The following TBCA variants were observed in gnomAD, a reference collection of about 807,000 sequenced individuals.
TBCA encodes the protein tubulin-specific chaperone A.
TBCA carries 6 observed loss-of-function variants against 15.8 expected under a neutral mutation model. The observed-to-expected ratio is 0.38, with a 90% CI of 0.21 to 0.75. TBCA has a LOEUF of 0.75. TBCA is among the 30% of genes least tolerant of loss of function. The probability of loss-of-function intolerance (pLI) is 0.46; values close to 1 mark genes in which losing one functional copy is unlikely to be tolerated. For missense variants in TBCA, 90 were observed against 131.2 expected (o/e 0.69, Z 1.53); for synonymous variants, 32 against 42.3 (o/e 0.76, Z 0.94).
chr5:77,749,588 A>T (rs181590684), intron 1 of TBCA, among the ~76,000 whole-genome samples: 2 of 152,354 alleles, frequency 1.3e-5, no homozygotes, highest in African/African-American at 4.8e-5. Context: ...GTGTTAACAA[A>T]ATACTGTATA....
chr5:77,737,346 C>T (rs943709483), intron 1 of TBCA, among the ~76,000 whole-genome samples: 1 of 152,192 alleles, frequency 6.6e-6, no homozygotes, highest in Non-Finnish European at 1.5e-5. Context: ...TGTTTTCCAG[C>T]TAACTTTGGC....
chr5:77,721,907 T>C (rs1450358442), intron 1 of TBCA, among the ~76,000 whole-genome samples: 1 of 152,118 alleles, frequency 6.6e-6, no homozygotes, highest in African/African-American at 2.4e-5. Flanking sequence ...CAGTAAACAT[T>C]ATTTTAAAAT....
intron 3 of TBCA, chr5:77,692,819 G>GT (rs1745785205): frequency 1.9e-6 from 2 of 1,063,478 alleles, no homozygotes; most frequent in African/African-American, 1.7e-5. Flanking sequence ...AGATTACCAG[G>GT]TTTTTTCCCC....
At chr5:77,711,575 A>G (rs1005554212) in intron 1 of TBCA, among the ~76,000 whole-genome samples, 1 of 152,210 alleles carries the variant, frequency 6.6e-6, no homozygotes, top group Non-Finnish European at 1.5e-5. Flanking sequence ...GTCTTTTAAC[A>G]TTTTCAATTT....
At position 77,749,696 on chromosome 5, in the gene TBCA, G is replaced by A. The variant is rs10036309; in HGVS notation, c.53+26509C>T. Reference sequence around the variant, plus strand: ...AACACACATAGTACCCTTTAAGCCGGCAATTGCACTTGTAGGAATTTATTC... The same window carrying A: ...AACACACATAGTACCCTTTAAGCCGACAATTGCACTTGTAGGAATTTATTC... On this transcript the variant is annotated intron_variant, in intron 1 of 3. Coordinates refer to ENST00000380377, the MANE Select transcript of TBCA (RefSeq NM_004607.3). Among the ~76,000 whole-genome samples the A allele has an allele frequency of 6.8e-3, 1,034 of 152,248 alleles. 5 individuals are homozygous for A. The highest frequency in any genetic ancestry group is 0.017 in the Middle Eastern group (5 of 294).
chr5:77,711,941 G>A (rs1198651439), intron 1 of TBCA, among the ~76,000 whole-genome samples: 1 of 151,314 alleles, frequency 6.6e-6, no homozygotes, highest in Non-Finnish European at 1.5e-5. Flanking sequence ...CAGGAAACAA[G>A]TTATTGAATA....
At chr5:77,696,827 A>T (rs924715345) in intron 2 of TBCA, among the ~76,000 whole-genome samples, 1 of 152,216 alleles carries the variant, frequency 6.6e-6, no homozygotes, top group Non-Finnish European at 1.5e-5. Context: ...CTGAGGCAGG[A>T]GGATTACTTG....
Position 77,712,220 on chromosome 5 carries a change from C to T in TBCA, c.54-3873G>A, listed in dbSNP as rs192861736. On this transcript the variant is annotated intron_variant, in intron 1 of 3. Transcript: ENST00000380377. ...GTAGTTTTATCAGTTGACATACAAC[C>T]TGTAGTGTATGAAATTTCCTACTTC... 3.4e-4 allele frequency among the ~76,000 whole-genome samples: 51 copies of T among 152,226 alleles called. 1 individual carries two copies. The East Asian group carries it at 7.7e-3, about 23-fold the overall frequency.
At chr5:77,702,487 T>C (rs1056417485) in intron 2 of TBCA, among the ~76,000 whole-genome samples, 1 of 152,182 alleles carries the variant, frequency 6.6e-6, no homozygotes, top group Non-Finnish European at 1.5e-5. Flanking sequence ...TGTAATTATT[T>C]AGGGTTTTGG....
At chr5:77,730,814 T>TA (rs1231659515) in intron 1 of TBCA, among the ~76,000 whole-genome samples, 12 of 152,158 alleles carry the variant, frequency 7.9e-5, no homozygotes, top group Non-Finnish European at 1.3e-4. Flanking sequence ...TCCCTCATGA[T>TA]AATTTTGGTC....
chr5:77,737,101 T>C (rs192225490), intron 1 of TBCA, among the ~76,000 whole-genome samples: 1 of 152,206 alleles, frequency 6.6e-6, no homozygotes, highest in Middle Eastern at 3.2e-3. Flanking sequence ...TTTTCCTGTT[T>C]GTGTAAACCA....
chr5:77,766,761 T>C lies in TBCA; in HGVS notation c.53+9444A>G, dbSNP rs1747787141. On this transcript the variant is annotated intron_variant, in intron 1 of 3. Coordinates refer to ENST00000380377, the MANE Select transcript of TBCA (RefSeq NM_004607.3). Reference sequence around the variant, plus strand: ...ATCCGCCCGCCTCGGCCTCCCAAAGTGCTGGGATTACAGGCGTGAGCCACC... The same window carrying C: ...ATCCGCCCGCCTCGGCCTCCCAAAGCGCTGGGATTACAGGCGTGAGCCACC... 2.2e-4 allele frequency among the ~76,000 whole-genome samples: 5 copies of C among 22,278 alleles called. 2 individuals are homozygous for C. The South Asian group carries it at 5.9e-3, about 26-fold the overall frequency. 14.6% of individuals were successfully genotyped at this position (22,278 alleles called of 152,430 possible). A position where few individuals can be genotyped will look rare whatever the true frequency, so the allele number is the denominator to read the frequency against.
chr5:77,738,739 C>A (rs757284889), intron 1 of TBCA, among the ~76,000 whole-genome samples: 1 of 152,134 alleles, frequency 6.6e-6, no homozygotes, highest in South Asian at 2.1e-4. Context: ...TCTGCCACCA[C>A]GCCTGGCTAA....
intron 1 of TBCA, among the ~76,000 whole-genome samples, chr5:77,717,071 T>C (rs1746413544): frequency 6.6e-6 from 1 of 152,190 alleles, no homozygotes; most frequent in African/African-American, 2.4e-5. Flanking sequence ...GTCAGACACC[T>C]TGGGATCATG....
At chr5:77,697,514 TTAAG>T (rs556540334) in intron 2 of TBCA, among the ~76,000 whole-genome samples, 13 of 151,978 alleles carry the variant, frequency 8.6e-5, no homozygotes, top group Non-Finnish European at 1.2e-4. Context: ...ACAACATACT[TTAAG>T]TAGCCCATGG....
chr5:77,770,590 C>T (rs969027637), intron 1 of TBCA, among the ~76,000 whole-genome samples: 1 of 148,042 alleles, frequency 6.8e-6, no homozygotes, highest in Non-Finnish European at 1.5e-5. Context: ...AAAAAAAAAA[C>T]AGAGTGTTCA....
chr5:77,724,584 C>T (rs1482027957), intron 1 of TBCA, among the ~76,000 whole-genome samples: 1 of 152,086 alleles, frequency 6.6e-6, no homozygotes, highest in Non-Finnish European at 1.5e-5. Flanking sequence ...ATAAAATGAA[C>T]TGACCTTGAA....
chr5:77,771,843 T>C (rs1379101161), intron 1 of TBCA, among the ~76,000 whole-genome samples: 1 of 152,184 alleles, frequency 6.6e-6, no homozygotes, highest in African/African-American at 2.4e-5. Context: ...CTTTCTAGTA[T>C]AGCCTACCCA....
intron 2 of TBCA, among the ~76,000 whole-genome samples, chr5:77,703,755 C>A (rs143511357): frequency 6.6e-6 from 1 of 151,952 alleles, no homozygotes; most frequent in Non-Finnish European, 1.5e-5. Context: ...TTTTTTGTAT[C>A]CTAATAAAAT....
Sources: allele counts gnomAD v4.1 joint callset (sites outside exome capture counted in the v4.1 genomes callset), GRCh38; gene constraint gnomAD v4.1.1; transcripts MANE v1.5; gene names NCBI Gene and HGNC (gene_info 2026-07-23, HGNC 2026-07-21).